Variants in AIG1 observed in about 807,000 individuals in gnomAD.
AIG1 encodes the protein androgen induced 1, also known as androgen-induced gene 1 protein.
A neutral mutation model predicts 31.4 loss-of-function variants in AIG1; 23 were observed. That is an observed-to-expected ratio of 0.73 (90% CI 0.53 to 1.04). AIG1 has a LOEUF of 1.04. Among genes scored for constraint, AIG1 ranks in the 50% least tolerant of loss-of-function variants. The probability of loss-of-function intolerance (pLI) is 0.00; values close to 1 mark genes in which losing one functional copy is unlikely to be tolerated. For missense variants in AIG1, 274 were observed against 295.0 expected (o/e 0.93, Z 0.52); for synonymous variants, 100 against 110.5 (o/e 0.90, Z 0.60).
intron 1 of AIG1, among the ~76,000 whole-genome samples, chr6:143,121,207 C>CTG (rs1334686374): frequency 6.6e-6 from 1 of 152,126 alleles, no homozygotes; most frequent in East Asian, 1.9e-4. Context: ...CTCTGTATTT[C>CTG]TGTGTGTGTG....
Position 143,328,665 on chromosome 6 carries a change from CA to C in AIG1, c.516-4616del, listed in dbSNP as rs576636907. On this transcript the variant is annotated intron_variant, in intron 4 of 5. Transcript: ENST00000357847. This position sits in a 1 kb window ranked among gnomAD's most constrained non-coding sequence, Gnocchi z 4.0. ...AGGTATATGTGTAATTTAATTCATT[CA>C]TATAAGCCATTTACTTTGTATCATT... Among the ~76,000 whole-genome samples, 197 of 152,266 alleles carry C rather than the reference CA, an allele frequency of 1.3e-3. No individual in the cohort carries two copies. The highest frequency in any genetic ancestry group is 4.4e-3 in the African/African-American group (182 of 41,548).
rs2128675627 is a variant in AIG1 at position 143,279,493 on chromosome 6, TC to T, written c.400-4614del. Reference sequence around the variant, plus strand: ...TCTTCTGCAAAAGCCCTTTTTCTTGTCCCATCTGCTTCCGAGTCTTCACATC... The same window carrying T: ...TCTTCTGCAAAAGCCCTTTTTCTTGTCCATCTGCTTCCGAGTCTTCACATC... On this transcript the variant is annotated intron_variant, in intron 3 of 5. Transcript: ENST00000357847. The surrounding 1 kb of genome is among the most constrained non-coding windows in gnomAD (Gnocchi z 5.4). 6.6e-6 allele frequency among the ~76,000 whole-genome samples: 1 copy of T among 152,326 alleles called. No individual in the cohort carries two copies. Among genetic ancestry groups the T allele is most frequent in the East Asian group, 1.9e-4 (1 of 5,184 alleles).
intron 3 of AIG1, among the ~76,000 whole-genome samples, chr6:143,182,935 A>G (rs1488946496): frequency 6.6e-6 from 1 of 152,172 alleles, no homozygotes; most frequent in African/African-American, 2.4e-5. Flanking sequence ...TCTAACTTGT[A>G]TTTAACGTCA....
At chr6:143,137,944 A>G (rs916022100) in intron 2 of AIG1, among the ~76,000 whole-genome samples, 2 of 152,246 alleles carry the variant, frequency 1.3e-5, no homozygotes, top group African/African-American at 4.8e-5. Flanking sequence ...AGGAAGAATC[A>G]GAAAGTTGAT....
chr6:143,228,739 G>A (rs1170661991), intron 3 of AIG1, among the ~76,000 whole-genome samples: 5 of 152,212 alleles, frequency 3.3e-5, no homozygotes, highest in African/African-American at 9.7e-5. Context: ...GCCCCAAGAT[G>A]GGTGTGGTCT....
chr6:143,269,529 A>G lies in AIG1; in HGVS notation c.400-14581A>G, dbSNP rs190118637. On this transcript the variant is annotated intron_variant, in intron 3 of 5. Coordinates refer to ENST00000357847, the MANE Select transcript of AIG1 (RefSeq NM_016108.4). ...AAAAGAAGAATACACACAAATGGGCATAGCAGCACTCTTGCCAAATGCACC... is the reference window on the plus strand; with the variant it reads ...AAAAGAAGAATACACACAAATGGGCGTAGCAGCACTCTTGCCAAATGCACC... Among the ~76,000 whole-genome samples the G allele has an allele frequency of 1.6e-4, 24 of 152,368 alleles. 1 individual carries two copies. The highest frequency in any genetic ancestry group is 1.4e-3 in the Admixed American group (21 of 15,308).
At chr6:143,149,476 G>A (rs1380306031) in intron 2 of AIG1, among the ~76,000 whole-genome samples, 3 of 144,210 alleles carry the variant, frequency 2.1e-5, no homozygotes, top group South Asian at 2.2e-4. Context: ...GCAGTGAGCC[G>A]AGATCGCGCC....
chr6:143,188,245 T>C (rs1475469492), intron 3 of AIG1: 2 of 988,942 alleles, frequency 2.0e-6, no homozygotes, highest in Non-Finnish European at 2.4e-6. Context: ...CTTTCCTCAG[T>C]AGGCACACTC....
chr6:143,165,391 G>A (rs972076718), intron 3 of AIG1, among the ~76,000 whole-genome samples: 3 of 152,112 alleles, frequency 2.0e-5, no homozygotes, highest in African/African-American at 7.2e-5. Context: ...TTATTCAAAC[G>A]ATGTAGTAGA....
intron 1 of AIG1, chr6:143,094,212 A>G (rs1004591910): frequency 6.6e-6 from 1 of 152,220 alleles, no homozygotes; most frequent in South Asian, 2.1e-4. Flanking sequence ...GGTGGCGTCC[A>G]TAAGATTCTT....
intron 4 of AIG1, among the ~76,000 whole-genome samples, chr6:143,322,587 C>A (rs1776302189): frequency 6.6e-6 from 1 of 152,204 alleles, no homozygotes; most frequent in African/African-American, 2.4e-5. Flanking sequence ...AAATTGAATT[C>A]TCTCCAGGGT....
In AIG1 at chr6:143,284,299, A is replaced by C. The variant is rs1261585390; in HGVS notation, c.515+74A>C. 3 of 1,063,842 alleles carry C rather than the reference A, an allele frequency of 2.8e-6. No individual in the cohort carries two copies. Among genetic ancestry groups the C allele is most frequent in the Non-Finnish European group, 4.3e-6 (3 of 705,056 alleles). The allele number at this position is 1,063,842 out of a possible 1,614,324, so 65.9% of individuals were successfully genotyped here. ...GCTAAATTTGGGCACATATTTCATT[A>C]TGGATATAATCACTAACAGATTCAC... On this transcript the variant is annotated intron_variant, in intron 4 of 5. Transcript: ENST00000357847. The surrounding 1 kb of genome is among the most constrained non-coding windows in gnomAD (Gnocchi z 4.4).
At chr6:143,281,418 G>T (rs1056822413) in intron 3 of AIG1, among the ~76,000 whole-genome samples, 4 of 152,286 alleles carry the variant, frequency 2.6e-5, no homozygotes, top group East Asian at 3.9e-4. Context: ...ATGCAGTGAT[G>T]ATTTTAACTG....
chr6:143,335,400 CGTGT>C (rs1238775692), intron 5 of AIG1: 2 of 182,468 alleles, frequency 1.1e-5, no homozygotes, highest in East Asian at 2.6e-4. Flanking sequence ...GGCATGGTGG[CGTGT>C]GCCTGTAGTC....
At chr6:143,060,285 G>GC (rs1323457408), upstream of AIG1, among the ~76,000 whole-genome samples, 5 of 152,178 alleles carry the variant, frequency 3.3e-5, no homozygotes, top group Admixed American at 6.5e-5. Flanking sequence ...AAACCTTATT[G>GC]CCCCAAAATA....
Position 143,297,502 on chromosome 6 carries a change from ATGGATGGTTGGGTG to A in AIG1, c.515+13278_515+13291del, listed in dbSNP as rs1562567725. Among the ~76,000 whole-genome samples the A allele has an allele frequency of 4.3e-5, 2 of 47,018 alleles. No individual in the cohort carries two copies. Among genetic ancestry groups the A allele is most frequent in the Admixed American group, 4.9e-4 (2 of 4,074 alleles). 30.8% of individuals were successfully genotyped at this position (47,018 alleles called of 152,430 possible). A position where few individuals can be genotyped will look rare whatever the true frequency, so the allele number is the denominator to read the frequency against. ...GTTGGATGGTTTCTTGGGTGGTTGG[ATGGATGGTTGGGTG>A]GTTGGATGGATGGTTGGGTGGTTGG... On this transcript the variant is annotated intron_variant, in intron 4 of 5. Coordinates refer to ENST00000357847, the MANE Select transcript of AIG1 (RefSeq NM_016108.4). This position sits in a 1 kb window ranked among gnomAD's most constrained non-coding sequence, Gnocchi z 5.1.
At chr6:143,080,759 G>A (rs753053681) in intron 1 of AIG1, among the ~76,000 whole-genome samples, 1 of 152,034 alleles carries the variant, frequency 6.6e-6, no homozygotes, top group Non-Finnish European at 1.5e-5. Flanking sequence ...CTGGATTTTC[G>A]GGTTCCTTTG....
intron 2 of AIG1, among the ~76,000 whole-genome samples, chr6:143,139,251 CTA>C (rs1351662253): frequency 6.6e-6 from 1 of 152,096 alleles, no homozygotes; most frequent in Non-Finnish European, 1.5e-5. Flanking sequence ...GTTGTTTTGC[CTA>C]TGTTTTAGAA....
At chr6:143,150,165 T>C (rs1785082573) in intron 2 of AIG1, among the ~76,000 whole-genome samples, 1 of 152,202 alleles carries the variant, frequency 6.6e-6, no homozygotes, top group South Asian at 2.1e-4. Context: ...AAACAAGGAT[T>C]TGAGGTGGTG....
Sources: allele counts gnomAD v4.1 joint callset (sites outside exome capture counted in the v4.1 genomes callset), GRCh38; gene constraint gnomAD v4.1.1; non-coding constraint Gnocchi (gnomAD v3.1); transcripts MANE v1.5; gene names NCBI Gene and HGNC (gene_info 2026-07-23, HGNC 2026-07-21).